The following LPA variants were observed in gnomAD, a reference collection of about 807,000 sequenced individuals.
The protein encoded by LPA is lipoprotein(a), also known as apolipoprotein(a).
A neutral mutation model predicts 197.9 loss-of-function variants in LPA; 199 were observed. The ratio of observed to expected loss-of-function variants is 1.01; its 90% CI spans 0.90 to 1.13. The LOEUF (loss-of-function observed/expected upper bound fraction) is 1.13, where lower values mean the gene tolerates loss of function less well. Ranked by LOEUF, LPA falls within the 50% of genes most tolerant of loss-of-function variation. The pLI is 0.00. For missense variants in LPA, 1,853 were observed against 1,785.8 expected, an observed-to-expected ratio of 1.04 and a Z score of -0.68; for synonymous variants, 715 against 639.5, an observed-to-expected ratio of 1.12 and a Z score of -1.78.
intron 26 of LPA, among the ~76,000 whole-genome samples, chr6:160,580,314 T>C (rs1778768756): frequency 6.6e-6 from 1 of 151,344 alleles, no homozygotes; most frequent in Non-Finnish European, 1.5e-5. Context: ...TTTCTTTTGA[T>C]GAAAACATTG....
intron 30 of LPA, among the ~76,000 whole-genome samples, chr6:160,549,730 T>C (rs1778137606): frequency 6.6e-6 from 1 of 152,220 alleles, no homozygotes; most frequent in Non-Finnish European, 1.5e-5. Context: ...ATGCTGTTTC[T>C]CTAGGATGGG....
intron 4 of LPA, among the ~76,000 whole-genome samples, chr6:160,643,108 G>GTA (rs1779868468): frequency 6.9e-6 from 1 of 144,616 alleles, no homozygotes; most frequent in East Asian, 2.0e-4. Context: ...GTGTGTGTGT[G>GTA]TGTGTGTAGC....
At chr6:160,608,819 T>TTGTGTGTGTG (rs10526739) in intron 16 of LPA, among the ~76,000 whole-genome samples, 1,737 of 149,448 alleles carry the variant, frequency 0.012, 34 homozygotes, top group African/African-American at 0.036. Context: ...TTCTTGAGGG[T>TTGTGTGTGTG]TGTGTGTGTG....
chr6:160,545,682 G>A, intron 32 of LPA, 149 bp from the exon 33 acceptor site: 1 of 659,596 alleles, frequency 1.5e-6, no homozygotes, highest in Middle Eastern at 2.5e-4. Context: ...TTTTGACAAA[G>A]TTATTTCTTT....
At chr6:160,570,441 T>C (rs768561534) in intron 28 of LPA, among the ~76,000 whole-genome samples, 3 of 151,694 alleles carry the variant, frequency 2.0e-5, no homozygotes, top group Non-Finnish European at 4.4e-5. Flanking sequence ...ACAATGAGAG[T>C]ACATGGACAC....
intron 24 of LPA, among the ~76,000 whole-genome samples, chr6:160,586,990 A>G (rs1332382486): frequency 2.0e-5 from 3 of 152,198 alleles, no homozygotes; most frequent in African/African-American, 4.8e-5. Flanking sequence ...TTTCACGTAC[A>G]TACAAATGTT....
intron 28 of LPA, among the ~76,000 whole-genome samples, chr6:160,572,226 T>A (rs1446643628): frequency 6.6e-6 from 1 of 152,030 alleles, no homozygotes; most frequent in South Asian, 2.1e-4. Context: ...CCAGTCCCAA[T>A]GAGATGAGCC....
chr6:160,611,416 C>A (rs1460660451), intron 16 of LPA, 146 bp downstream of exon 16: 36 of 1,484,720 alleles, frequency 2.4e-5, no homozygotes, highest in Non-Finnish European at 3.1e-5. Flanking sequence ...AGACCCTTAG[C>A]TCCAAGGAAA....
intron 26 of LPA, among the ~76,000 whole-genome samples, chr6:160,582,853 T>C (rs1446126313): frequency 6.6e-6 from 1 of 152,158 alleles, no homozygotes; most frequent in East Asian, 1.9e-4. Context: ...GATATTTTCA[T>C]AGATGTCCTT....
intron 30 of LPA, among the ~76,000 whole-genome samples, chr6:160,553,192 T>C (rs545487069): frequency 1.3e-5 from 2 of 152,188 alleles, no homozygotes; most frequent in South Asian, 2.1e-4. Context: ...TTAATTAATA[T>C]CACAAATTGT....
At chr6:160,654,025 A>G (rs1389918403) in intron 1 of LPA, among the ~76,000 whole-genome samples, 1 of 10,618 alleles carries the variant, frequency 9.4e-5, no homozygotes, top group African/African-American at 3.9e-4. Flanking sequence ...TATATAATAT[A>G]TAATATATAT....
chr6:160,548,844 A>G (rs1245559951), intron 30 of LPA, among the ~76,000 whole-genome samples, 185 bp from the exon 31 acceptor site: 2 of 152,358 alleles, frequency 1.3e-5, no homozygotes, highest in Middle Eastern at 3.4e-3. Flanking sequence ...CCTTTCAAAG[A>G]TAGATGATAA....
At chr6:160,658,305 T>G (rs1447769086) in intron 1 of LPA, among the ~76,000 whole-genome samples, 1 of 152,192 alleles carries the variant, frequency 6.6e-6, no homozygotes, top group African/African-American at 2.4e-5. Flanking sequence ...AGTAAACACC[T>G]GGCAAGGCTG....
At chr6:160,592,683 A>C (rs917455101) in intron 22 of LPA, among the ~76,000 whole-genome samples, 12 of 152,130 alleles carry the variant, frequency 7.9e-5, no homozygotes, top group Non-Finnish European at 1.3e-4. Flanking sequence ...GGTTGAGTTT[A>C]CTTTTTTCTG....
chr6:160,569,304 A>G (rs1374136665), intron 28 of LPA, among the ~76,000 whole-genome samples: 4 of 152,052 alleles, frequency 2.6e-5, no homozygotes, highest in Non-Finnish European at 4.4e-5. Flanking sequence ...ATGGAACAGA[A>G]CAGAGCCCTC....
At chr6:160,588,245 AG>A (rs932417115) in intron 24 of LPA, among the ~76,000 whole-genome samples, 3 of 151,254 alleles carry the variant, frequency 2.0e-5, no homozygotes, top group African/African-American at 4.8e-5. Context: ...CTTGCCTCTA[AG>A]GGGGGTTGAG....
intron 28 of LPA, among the ~76,000 whole-genome samples, chr6:160,560,751 G>C (rs1778347387): frequency 6.6e-6 from 1 of 152,048 alleles, no homozygotes; most frequent in Non-Finnish European, 1.5e-5. Flanking sequence ...ACTCTGATGA[G>C]AGTTTTTTGC....
Position 160,555,290 on chromosome 6 carries a change from T to G in LPA, c.4973+735A>C, listed in dbSNP as rs563561786. ...TTATATTATATTATATTATATTATA[T>G]GTTAGTGTGTGTGTGTGTGTGTGTG... On this transcript the variant is annotated intron_variant, in intron 30 of 38. Coordinates refer to ENST00000316300, the MANE Select transcript of LPA (RefSeq NM_005577.4). Among the ~76,000 whole-genome samples, 411 of 103,548 alleles carry G rather than the reference T, an allele frequency of 4.0e-3. 23 individuals are homozygous for G. The South Asian group carries it at 0.12, about 31-fold the overall frequency. The allele number at this position is 103,548 out of a possible 152,430, so 67.9% of individuals were successfully genotyped here. A position where few individuals can be genotyped will look rare whatever the true frequency, so the allele number is the denominator to read the frequency against.
At chr6:160,648,783 A>G (rs1779952184) in intron 2 of LPA, among the ~76,000 whole-genome samples, 1 of 152,028 alleles carries the variant, frequency 6.6e-6, no homozygotes, top group Non-Finnish European at 1.5e-5. Context: ...CTGTCTCTGG[A>G]TAAGGTGTCT....
Sources: gnomAD v4.1 joint callset for allele counts (sites outside exome capture counted in the v4.1 genomes callset) on GRCh38, gnomAD v4.1.1 for gene constraint, MANE v1.5 for transcripts, NCBI Gene and HGNC (gene_info 2026-07-23, HGNC 2026-07-21) for gene names.